TRAPPC13: variants seen among roughly 807,000 people sequenced by gnomAD.
TRAPPC13 encodes the protein REV7-interacting novel NHEJ regulator 1.
TRAPPC13 carries 39 observed loss-of-function variants against 54.0 expected under a neutral mutation model. The ratio of observed to expected loss-of-function variants is 0.72; its 90% confidence interval spans 0.56 to 0.94. TRAPPC13 has a LOEUF of 0.94. Among genes scored for constraint, TRAPPC13 ranks in the 40% least tolerant of loss-of-function variants. The pLI is 0.00. For missense variants in TRAPPC13, 386 were observed against 488.1 expected (o/e 0.79, Z 1.97); for synonymous variants, 148 against 167.7 (o/e 0.88, Z 0.91).
At chr5:65,641,209 C>T (rs71626595) in intron 4 of TRAPPC13, among the ~76,000 whole-genome samples, 1,739 of 152,268 alleles carry the variant, frequency 0.011, 24 homozygotes, top group Middle Eastern at 0.045. Flanking sequence ...GCTGGAATTA[C>T]ACATGTGAGC....
At chr5:65,635,821 T>C (rs1235933959) in intron 2 of TRAPPC13, 123 bp from the exon 3 acceptor site, 2 of 591,816 alleles carry the variant, frequency 3.4e-6, no homozygotes, top group Non-Finnish European at 5.5e-6. Flanking sequence ...GAAGTTAGAC[T>C]TTTTAAATAT....
At chr5:65,629,466 A>G (rs557916182) in intron 1 of TRAPPC13, 1 of 1,421,710 alleles carries the variant, frequency 7.0e-7, no homozygotes, top group East Asian at 2.5e-5. Context: ...CTTCTACTTT[A>G]GGTCCTGTTT....
intron 3 of TRAPPC13, among the ~76,000 whole-genome samples, chr5:65,636,616 G>C (rs772852665): frequency 1.3e-5 from 2 of 151,980 alleles, no homozygotes; most frequent in Non-Finnish European, 2.9e-5. Flanking sequence ...TGGCCACATA[G>C]TCTTTTAACT....
rs780984233 is a variant in TRAPPC13 at position 65,650,931 on chromosome 5, T to A, written c.501+49T>A. 1.3e-5 allele frequency: 18 copies of A among 1,333,402 alleles called. No homozygotes were observed. The highest frequency in any genetic ancestry group is 1.8e-5 in the Non-Finnish European group (17 of 930,348). 82.6% of individuals were successfully genotyped at this position (1,333,402 alleles called of 1,614,324 possible). On this transcript the variant is annotated intron_variant, in intron 6 of 12. Transcript: ENST00000399438. ...TAGTTTTTATATGCCTTTTTCTTCC[T>A]GGTAGTATACAGTTATTCCCGTTTA...
rs1341775790 is a variant in TRAPPC13, at chr5:65,626,411, CGT to C, written c.46+1309_46+1310del. Among the ~76,000 whole-genome samples, 4 of 152,278 alleles carry C rather than the reference CGT, an allele frequency of 2.6e-5. No individual in the cohort carries two copies. The East Asian group carries it at 7.7e-4, about 29-fold the overall frequency. On this transcript the variant is annotated intron_variant, in intron 1 of 12. Coordinates refer to ENST00000399438, the MANE Select transcript of TRAPPC13 (RefSeq NM_024941.4). The stretch of plus-strand genomic sequence containing the variant: ...TTTGGAACAGTTCTATTAACTGCTA[CGT>C]GTGATTTATACAAATTAGAAGCTAT...
At chr5:65,652,048 C>G (rs992436385) in intron 6 of TRAPPC13, among the ~76,000 whole-genome samples, 8 of 151,400 alleles carry the variant, frequency 5.3e-5, no homozygotes, top group African/African-American at 1.9e-4. Flanking sequence ...ATTTTTAGTA[C>G]AGACGGGGTT....
intron 4 of TRAPPC13, among the ~76,000 whole-genome samples, chr5:65,639,485 C>A (rs2150671607): frequency 6.6e-6 from 1 of 152,148 alleles, no homozygotes; most frequent in Non-Finnish European, 1.5e-5. Context: ...CATAACGAGA[C>A]TCCCATCTCT....
chr5:65,638,312 G>A (rs1755839554), intron 4 of TRAPPC13, among the ~76,000 whole-genome samples: 2 of 152,124 alleles, frequency 1.3e-5, no homozygotes, highest in Admixed American at 1.3e-4. Flanking sequence ...GCTTGGGTGA[G>A]AAAATGTACT....
intron 3 of TRAPPC13, 92 bp from the exon 4 acceptor site, chr5:65,637,604 C>T (rs1228820552): frequency 1.5e-6 from 1 of 652,460 alleles, no homozygotes; most frequent in Non-Finnish European, 2.5e-6. Context: ...GCACTCCAGC[C>T]TGGGTGACAG....
At chr5:65,636,157 T>TTG in intron 3 of TRAPPC13, 114 bp downstream of exon 3, 1 of 725,922 alleles carries the variant, frequency 1.4e-6, no homozygotes, top group Non-Finnish European at 2.2e-6. Flanking sequence ...TTTTTTTTTT[T>TTG]TTCTGAGATG....
rs978568760 is a variant in TRAPPC13 at position 65,665,525 on chromosome 5, G to C, written c.*914G>C. 1 of 151,832 alleles carries C rather than the reference G, an allele frequency of 6.6e-6. No individual in the cohort carries two copies. The highest frequency in any genetic ancestry group is 1.9e-4 in the East Asian group (1 of 5,178). 9.4% of individuals were successfully genotyped at this position (151,832 alleles called of 1,614,324 possible). On this transcript the variant is annotated 3_prime_UTR_variant, in exon 13 of 13. Coordinates refer to ENST00000399438, the MANE Select transcript of TRAPPC13 (RefSeq NM_024941.4). The stretch of plus-strand genomic sequence containing the variant: ...ACATCAGAATTGGTTTTACTTTTTA[G>C]GTTGTTGATTTTTTTTAATTAACTA...
chr5:65,634,993 G>A (rs1336465032), intron 1 of TRAPPC13: 1 of 872,326 alleles, frequency 1.1e-6, no homozygotes, highest in Non-Finnish European at 1.4e-6. Flanking sequence ...AAAGCCTTAT[G>A]CTCCTAATAC....
At chr5:65,646,383 C>G (rs1756207280) in intron 4 of TRAPPC13, among the ~76,000 whole-genome samples, 1 of 152,156 alleles carries the variant, frequency 6.6e-6, no homozygotes, top group South Asian at 2.1e-4. Context: ...GATTACTTAT[C>G]TTTTAGTGTT....
intron 4 of TRAPPC13, among the ~76,000 whole-genome samples, chr5:65,638,770 G>T (rs1755859363): frequency 6.6e-6 from 1 of 152,128 alleles, no homozygotes; most frequent in Non-Finnish European, 1.5e-5. Context: ...GCTTGTGCGG[G>T]GAAACTCCCA....
chr5:65,660,137 A>T (rs1360303622), intron 9 of TRAPPC13, among the ~76,000 whole-genome samples: 1 of 152,044 alleles, frequency 6.6e-6, no homozygotes, highest in African/African-American at 2.4e-5. Context: ...ACAATTTTCC[A>T]TTCTTTTCTA....
chr5:65,647,025 CTTTT>C, intron 4 of TRAPPC13, 26 bp from the exon 5 acceptor site: 5 of 1,408,246 alleles, frequency 3.6e-6, no homozygotes, highest in South Asian at 1.4e-5. Flanking sequence ...CTCATTTGGA[CTTTT>C]TTTTTTTTTT....
chr5:65,655,596 C>A, intron 7 of TRAPPC13, 40 bp from the exon 8 acceptor site: 1 of 717,190 alleles, frequency 1.4e-6, no homozygotes, highest in South Asian at 4.0e-5. Flanking sequence ...TAACATTTAA[C>A]TCTGATTTTT....
At chr5:65,637,823 A>T (rs777259184) in intron 4 of TRAPPC13, 43 bp downstream of exon 4, 2 of 1,316,530 alleles carry the variant, frequency 1.5e-6, no homozygotes, top group Non-Finnish European at 2.1e-6. Flanking sequence ...GTCTTTAACA[A>T]AGGTTTTTTT....
chr5:65,642,297 T>G (rs1755999461), intron 4 of TRAPPC13, among the ~76,000 whole-genome samples: 2 of 151,990 alleles, frequency 1.3e-5, no homozygotes, highest in African/African-American at 4.8e-5. Context: ...CACTCCAGCC[T>G]GGGCAACAGT....
Sources: allele counts gnomAD v4.1 joint callset (sites outside exome capture counted in the v4.1 genomes callset), GRCh38; gene constraint gnomAD v4.1.1; transcripts MANE v1.5; gene names NCBI Gene and HGNC (gene_info 2026-07-23, HGNC 2026-07-21).